C8orf34: variants seen among roughly 807,000 people sequenced by gnomAD.
The protein encoded by C8orf34 is uncharacterized protein C8orf34.
In C8orf34, 65 loss-of-function variants were observed where a neutral mutation model predicts 68.3. The ratio of observed to expected loss-of-function variants is 0.95; its 90% CI spans 0.78 to 1.17. C8orf34 has a LOEUF of 1.17. Among genes scored for constraint, C8orf34 ranks in the 50% most tolerant of loss-of-function variants. The pLI, the probability that C8orf34 is intolerant of heterozygous loss-of-function variation, is 0.00. For missense variants in C8orf34, 664 were observed against 655.4 expected (o/e 1.01, Z -0.14); for synonymous variants, 244 against 241.2 (o/e 1.01, Z -0.11).
intron 1 of C8orf34, among the ~76,000 whole-genome samples, chr8:68,367,932 A>AAAAAAAAAAAAAAAAC: frequency 6.8e-6 from 1 of 147,828 alleles, no homozygotes; most frequent in African/African-American, 2.5e-5. Flanking sequence ...AAAAAAAAAA[A>AAAAAAAAAAAAAAAAC]AAAAAGAAAA....
intron 1 of C8orf34, among the ~76,000 whole-genome samples, chr8:68,420,245 A>G (rs993829199): frequency 4.6e-5 from 7 of 151,868 alleles, no homozygotes; most frequent in African/African-American, 1.7e-4. Context: ...AGGAGTAAGG[A>G]TACCAGCAAC....
At chr8:68,568,465 C>T (rs1345855906) in intron 7 of C8orf34, among the ~76,000 whole-genome samples, 3 of 151,910 alleles carry the variant, frequency 2.0e-5, no homozygotes, top group African/African-American at 4.8e-5. Flanking sequence ...GTGAGAATTA[C>T]CAAAATGTGA....
chr8:68,554,590 G>A (rs2130090028), intron 7 of C8orf34, among the ~76,000 whole-genome samples: 1 of 152,098 alleles, frequency 6.6e-6, no homozygotes, highest in South Asian at 2.1e-4. Flanking sequence ...TGAGATTTTA[G>A]TTTTCTTCAT....
intron 7 of C8orf34, among the ~76,000 whole-genome samples, chr8:68,544,006 A>T (rs142479569): frequency 6.6e-6 from 1 of 152,130 alleles, no homozygotes; most frequent in Non-Finnish European, 1.5e-5. Context: ...TGAAAGTGGA[A>T]CTCAGGTGTA....
At chr8:68,525,641 T>C in intron 6 of C8orf34, 1 of 725,732 alleles carries the variant, frequency 1.4e-6, no homozygotes, top group Non-Finnish European at 2.5e-6. Flanking sequence ...CAGATTATGC[T>C]GCCATTTTTC....
At chr8:68,581,487 T>C (rs1454490017) in intron 7 of C8orf34, among the ~76,000 whole-genome samples, 3 of 152,088 alleles carry the variant, frequency 2.0e-5, no homozygotes, top group Non-Finnish European at 1.5e-5. Flanking sequence ...TCTGCTGTTT[T>C]CTCCAATGAC....
chr8:68,603,133 G>C (rs1008996903), intron 7 of C8orf34, among the ~76,000 whole-genome samples: 6 of 144,086 alleles, frequency 4.2e-5, no homozygotes, highest in Admixed American at 3.4e-4. Flanking sequence ...GTGGGATTAT[G>C]TCCAGGGTTT....
At chr8:68,532,717 G>C (rs1815300384) in intron 6 of C8orf34, among the ~76,000 whole-genome samples, 1 of 152,134 alleles carries the variant, frequency 6.6e-6, no homozygotes, top group Non-Finnish European at 1.5e-5. Flanking sequence ...TCATCGAGTA[G>C]ACTTTAATTT....
At chr8:68,572,136 G>C in intron 7 of C8orf34, among the ~76,000 whole-genome samples, 1 of 151,834 alleles carries the variant, frequency 6.6e-6, no homozygotes, top group Middle Eastern at 3.4e-3. Flanking sequence ...ACATAGAAAA[G>C]CTGCAGTAAA....
intron 1 of C8orf34, among the ~76,000 whole-genome samples, chr8:68,419,015 A>G (rs1415271814): frequency 3.3e-5 from 5 of 149,952 alleles, no homozygotes; most frequent in African/African-American, 4.9e-5. Context: ...TCTGCACAGC[A>G]AAAGAAACTA....
At chr8:68,704,947 C>A (rs572447224) in intron 8 of C8orf34, among the ~76,000 whole-genome samples, 1 of 152,190 alleles carries the variant, frequency 6.6e-6, no homozygotes, top group South Asian at 2.1e-4. Context: ...AAAGGGGTTT[C>A]TAAGTATGGC....
At chr8:68,598,330 C>T (rs904123589) in intron 7 of C8orf34, among the ~76,000 whole-genome samples, 133 of 152,260 alleles carry the variant, frequency 8.7e-4, no homozygotes, top group African/African-American at 3.2e-3. Context: ...ATACGATATT[C>T]TAGACATAAC....
In C8orf34 at chr8:68,757,853, A is replaced by G. The variant is rs144017134; in HGVS notation, c.1405-18546A>G. Among the ~76,000 whole-genome samples the G allele has an allele frequency of 4.4e-3, 668 of 152,322 alleles. 1 individual carries two copies. The highest frequency in any genetic ancestry group is 0.014 in the African/African-American group (594 of 41,576). On this transcript the variant is annotated intron_variant, in intron 10 of 13. Coordinates refer to ENST00000518698, the MANE Select transcript of C8orf34 (RefSeq NM_052958.4). ...TTAGCTCTAAGATGTTGGGCAAGTA[A>G]TACAGTCTCTCTGAGCTTACTATTT...
rs961035979 is a variant in C8orf34, at chr8:68,478,318, A to C, written c.736+9498A>C. 3.3e-5 allele frequency among the ~76,000 whole-genome samples: 5 copies of C among 152,262 alleles called. No homozygotes were observed. In the East Asian group the frequency reaches 9.7e-4, roughly 29 times the overall value. ...CCTTTGCTCCAGTTCCCAGTTGCTC[A>C]AGTTTCTCATCTCCATCTGAGACCA... On this transcript the variant is annotated intron_variant, in intron 4 of 13. Coordinates refer to ENST00000518698, the MANE Select transcript of C8orf34 (RefSeq NM_052958.4).
chr8:68,579,124 A>T lies in C8orf34; in HGVS notation c.1105+45975A>T, dbSNP rs573199412. Among the ~76,000 whole-genome samples the T allele has an allele frequency of 5.1e-3, 768 of 151,294 alleles. 2 individuals are homozygous for T. Among genetic ancestry groups the T allele is most frequent in the Non-Finnish European group, 8.4e-3 (571 of 67,728 alleles). On this transcript the variant is annotated intron_variant, in intron 7 of 13. Coordinates refer to ENST00000518698, the MANE Select transcript of C8orf34 (RefSeq NM_052958.4). ...TTCTTGTCCTTGTAAAGTTTTGAAA[A>T]TTTTTTTTTAATGGCCACAGTTGTG... is the stretch of plus-strand genomic sequence containing the variant.
chr8:68,698,881 A>T (rs1269340255), intron 8 of C8orf34, among the ~76,000 whole-genome samples: 1 of 152,092 alleles, frequency 6.6e-6, no homozygotes, highest in Non-Finnish European at 1.5e-5. Context: ...AAACACCAGC[A>T]TCCCCTGGTA....
intron 10 of C8orf34, among the ~76,000 whole-genome samples, chr8:68,748,207 C>A (rs1822571350): frequency 7.9e-6 from 1 of 126,634 alleles, no homozygotes; most frequent in Non-Finnish European, 1.7e-5. Flanking sequence ...AACTGGATCC[C>A]TTCCTTAAAC....
At chr8:68,780,136 G>A (rs569200910) in intron 11 of C8orf34, among the ~76,000 whole-genome samples, 5 of 152,178 alleles carry the variant, frequency 3.3e-5, no homozygotes, top group African/African-American at 4.8e-5. Context: ...ACACTCTATC[G>A]CATTCTAATG....
chr8:68,525,838 G>A, intron 6 of C8orf34: 1 of 403,206 alleles, frequency 2.5e-6, no homozygotes, highest in Non-Finnish European at 4.7e-6. Flanking sequence ...TAAGAACCTG[G>A]TGTTTGTCTC....
Sources: allele counts gnomAD v4.1 joint callset (sites outside exome capture counted in the v4.1 genomes callset), GRCh38; gene constraint gnomAD v4.1.1; transcripts MANE v1.5; gene names NCBI Gene and HGNC (gene_info 2026-07-23, HGNC 2026-07-21).